MYOM1: variants seen among roughly 807,000 people sequenced by gnomAD.
MYOM1 encodes the protein myomesin 1, also known as myomesin-1.
MYOM1 carries 164 observed loss-of-function variants against 205.3 expected under a neutral mutation model. The ratio of observed to expected loss-of-function variants is 0.80; its 90% CI spans 0.70 to 0.91. MYOM1 has a LOEUF of 0.91. Among genes scored for constraint, MYOM1 ranks in the 40% least tolerant of loss-of-function variants. MYOM1 has a pLI of 0.00. For synonymous variants in MYOM1, 772 were observed against 789.4 expected (o/e 0.98, Z 0.37); for missense variants, 2,011 against 2,127.3 (o/e 0.95, Z 1.08).
intron 25 of MYOM1, among the ~76,000 whole-genome samples, chr18:3,095,798 C>T (rs149718942): frequency 0.015 from 2,226 of 152,284 alleles, 37 homozygotes; most frequent in South Asian, 0.068. Context: ...GTTGTCCACA[C>T]GGTGGTTTTC....
intron 33 of MYOM1, among the ~76,000 whole-genome samples, chr18:3,082,076 A>G (rs545745005): frequency 6.6e-6 from 1 of 152,346 alleles, no homozygotes; most frequent in African/African-American, 2.4e-5. Flanking sequence ...GATCCCTCGC[A>G]TGCGCAGTTC....
At chr18:3,127,564 C>G (rs2079813603) in intron 18 of MYOM1, among the ~76,000 whole-genome samples, 1 of 151,856 alleles carries the variant, frequency 6.6e-6, no homozygotes, top group Non-Finnish European at 1.5e-5. Context: ...CCACCTCAGC[C>G]TCCCAAAGTG....
chr18:3,211,881 C>G (rs1023833900), intron 2 of MYOM1, among the ~76,000 whole-genome samples: 1 of 152,156 alleles, frequency 6.6e-6, no homozygotes, highest in Non-Finnish European at 1.5e-5. Flanking sequence ...TAGACCAAGC[C>G]GAGCACTTAC....
intron 5 of MYOM1, among the ~76,000 whole-genome samples, chr18:3,183,880 A>AC (rs1307865290): frequency 3.2e-4 from 47 of 149,132 alleles, no homozygotes; most frequent in African/African-American, 1.1e-3. Context: ...GTCAATTAGC[A>AC]CTCCAGTGAA....
intron 21 of MYOM1, among the ~76,000 whole-genome samples, chr18:3,114,183 C>A (rs1282463583): frequency 6.6e-6 from 1 of 152,156 alleles, no homozygotes; most frequent in Non-Finnish European, 1.5e-5. Flanking sequence ...CACATCTGCA[C>A]CTGCCACCTA....
chr18:3,072,972 CA>C (rs1339158423), intron 36 of MYOM1, among the ~76,000 whole-genome samples: 4 of 91,806 alleles, frequency 4.4e-5, no homozygotes. Context: ...CAGATGTAAG[CA>C]TTTTTTTTTT....
the MYOM1 span, among the ~76,000 whole-genome samples, chr18:3,240,685 G>A: frequency 1.3e-5 from 2 of 152,206 alleles, no homozygotes; most frequent in Non-Finnish European, 2.9e-5. Context: ...ACCCAAAAAT[G>A]TGGAAGTGAC....
intron 22 of MYOM1, among the ~76,000 whole-genome samples, chr18:3,111,721 C>T (rs755776551): frequency 6.6e-6 from 1 of 152,124 alleles, no homozygotes; most frequent in Non-Finnish European, 1.5e-5. Flanking sequence ...TATTAGAACA[C>T]AGCCATGCTC....
chr18:3,091,754 C>A (rs7233061), intron 26 of MYOM1, among the ~76,000 whole-genome samples: 1 of 151,886 alleles, frequency 6.6e-6, no homozygotes, highest in African/African-American at 2.4e-5. Context: ...TATTTAGAGA[C>A]GGATTCTTGT....
At position 3,174,106 on chromosome 18, in the gene MYOM1, T is replaced by C; in HGVS notation, c.1111+14A>G. ...ACACACACACTTTGAAGAAAACAAA[T>C]CTAGCAAACCTACTTTTTACCACAA... On this transcript the variant is annotated intron_variant, in intron 7 of 37. Coordinates refer to ENST00000356443, the MANE Select transcript of MYOM1 (RefSeq NM_003803.4). 6.2e-7 allele frequency: 1 copy of C among 1,613,672 alleles called. No homozygotes were observed.
the MYOM1 span, chr18:3,247,111 G>A: frequency 6.6e-6 from 1 of 152,208 alleles, no homozygotes; most frequent in Non-Finnish European, 1.5e-5. Context: ...GGCTCTGCCA[G>A]GGAAAAACGA....
intron 22 of MYOM1, among the ~76,000 whole-genome samples, chr18:3,107,274 C>T (rs755112565): frequency 3.9e-5 from 6 of 152,114 alleles, no homozygotes; most frequent in East Asian, 3.9e-4. Context: ...TGTGCCACCA[C>T]GCTGGGCTAA....
At chr18:3,092,518 A>G (rs2079238945) in intron 26 of MYOM1, among the ~76,000 whole-genome samples, 1 of 152,182 alleles carries the variant, frequency 6.6e-6, no homozygotes. Context: ...GAATGGAAAT[A>G]GCCCTATTAG....
chr18:3,229,109 A>C, the MYOM1 span, among the ~76,000 whole-genome samples: 2 of 152,228 alleles, frequency 1.3e-5, no homozygotes, highest in African/African-American at 4.8e-5. Flanking sequence ...GAGCATCTTT[A>C]GTTTCAACCC....
At chr18:3,191,905 C>T (rs959195003) in intron 3 of MYOM1, among the ~76,000 whole-genome samples, 1 of 152,020 alleles carries the variant, frequency 6.6e-6, no homozygotes, top group African/African-American at 2.4e-5. Context: ...ACCGTGTTAG[C>T]CAGGATGGTC....
intron 18 of MYOM1, among the ~76,000 whole-genome samples, chr18:3,127,305 A>ATATATATTTTTTTTTT (rs56880961): frequency 1.1e-4 from 5 of 47,570 alleles, no homozygotes; most frequent in Admixed American, 2.9e-4. Context: ...ATATATATAT[A>ATATATATTTTTTTTTT]TTTTTTTTTT....
At chr18:3,199,839 C>CA (rs796607761) in intron 2 of MYOM1, among the ~76,000 whole-genome samples, 2,506 of 139,438 alleles carry the variant, frequency 0.018, 57 homozygotes, top group South Asian at 0.053. Flanking sequence ...GACTCCGTCT[C>CA]AAAAAAAAAA....
rs772357946 is a variant in MYOM1, at chr18:3,083,821, A to G, written c.4452T>C (p.Tyr1484=). 1.3e-6 allele frequency: 2 copies of G among 1,578,162 alleles called. No homozygotes were observed. Among genetic ancestry groups the G allele is most frequent in the South Asian group, 2.3e-5 (2 of 86,124 alleles). ...GIQLYSFVTY[Y]VEDLKVNWSH... is the part of the protein sequence containing the mutation. ...ACCAGTTAACTTTCAAATCCTCCAC[A>G]TAGTAAGTTACAAAAGAGTACAGTT... The change falls in exon 33 of 38, where the codon TAT becomes TAC. Residue 1484 remains tyrosine, a synonymous_variant. Coordinates refer to ENST00000356443, the MANE Select transcript of MYOM1 (RefSeq NM_003803.4).
At chr18:3,164,207 T>C (rs2144048172) in intron 10 of MYOM1, 71 bp downstream of exon 10, 1 of 1,489,658 alleles carries the variant, frequency 6.7e-7, no homozygotes, top group Admixed American at 2.0e-5. Context: ...TGAACTGTTT[T>C]GTAATCAAAA....
Sources: gnomAD v4.1 joint callset for allele counts (sites outside exome capture counted in the v4.1 genomes callset) on GRCh38, gnomAD v4.1.1 for gene constraint, MANE v1.5 for transcripts, NCBI Gene and HGNC (gene_info 2026-07-23, HGNC 2026-07-21) for gene names.